AGAP1: variants seen among roughly 807,000 people sequenced by gnomAD.
The protein encoded by AGAP1 is arf-GAP with GTPase, ANK repeat and PH domain-containing protein 1.
A neutral mutation model predicts 105.3 loss-of-function variants in AGAP1; 29 were observed. The observed-to-expected ratio is 0.28, with a 90% CI of 0.21 to 0.38. AGAP1 has a LOEUF of 0.38. Ranked by LOEUF, AGAP1 falls within the 10% of genes least tolerant of loss-of-function variation. The pLI is 1.00. For synonymous variants in AGAP1, 509 were observed against 485.9 expected (o/e 1.05, Z -0.63); for missense variants, 998 against 1,165.1 (o/e 0.86, Z 2.09).
intron 1 of AGAP1, among the ~76,000 whole-genome samples, chr2:235,520,175 C>T (rs186688276): frequency 4.3e-4 from 65 of 152,340 alleles, no homozygotes; most frequent in African/African-American, 1.5e-3. Flanking sequence ...TTAAAGCACA[C>T]ATGACCACAT....
chr2:235,695,503 C>T (rs924366705), intron 1 of AGAP1, among the ~76,000 whole-genome samples: 4 of 152,192 alleles, frequency 2.6e-5, no homozygotes, highest in Admixed American at 1.3e-4. Flanking sequence ...CAGACAGCGG[C>T]TCAGGTTACA....
chr2:235,765,212 CGTGGGG>C, intron 6 of AGAP1, among the ~76,000 whole-genome samples: 1 of 57,016 alleles, frequency 1.8e-5, no homozygotes, highest in African/African-American at 7.8e-5. Flanking sequence ...TGGGAGCGTC[CGTGGGG>C]TTGGGGGTAT....
chr2:236,015,552 A>G (rs978750355), intron 13 of AGAP1, among the ~76,000 whole-genome samples: 5 of 144,462 alleles, frequency 3.5e-5, no homozygotes, highest in Non-Finnish European at 7.6e-5. Context: ...ATAATTATAA[A>G]TTGCCTTTTT....
intron 1 of AGAP1, among the ~76,000 whole-genome samples, chr2:235,687,155 C>G (rs1440636271): frequency 6.6e-6 from 1 of 152,178 alleles, no homozygotes; most frequent in Non-Finnish European, 1.5e-5. Context: ...GGGATGCACC[C>G]TAGCTCTAAA....
In AGAP1 at chr2:235,931,643, T is replaced by C. The variant is rs2052726104; in HGVS notation, c.1483+720T>C. On this transcript the variant is annotated intron_variant, in intron 12 of 17. Coordinates refer to ENST00000304032, the MANE Select transcript of AGAP1 (RefSeq NM_001037131.3). The surrounding 1 kb of genome is among the most constrained non-coding windows in gnomAD (Gnocchi z 5.6). The stretch of plus-strand genomic sequence containing the variant: ...AATTCCCACTGTTGTATGTAATCTA[T>C]CAGACGGGGTTTTAGAGTAATCTTA... Among the ~76,000 whole-genome samples, 1 of 152,074 alleles carries C rather than the reference T, an allele frequency of 6.6e-6. No individual in the cohort carries two copies. The highest frequency in any genetic ancestry group is 1.5e-5 in the Non-Finnish European group (1 of 68,020).
In AGAP1 at chr2:236,124,181, C is replaced by A. The variant is rs2059967272; in HGVS notation, c.*59C>A. 1.3e-6 allele frequency: 2 copies of A among 1,577,552 alleles called. No homozygotes were observed. The highest frequency in any genetic ancestry group is 1.1e-5 in the South Asian group (1 of 88,230). ...GGACGCGGCAGCCTCGCCGCATTCT[C>A]GCTCAGAAGTCGCAGCACGTGAGTC... On this transcript the variant is annotated 3_prime_UTR_variant, in exon 18 of 18. Transcript: ENST00000304032. This position sits in a 1 kb window ranked among gnomAD's most constrained non-coding sequence, Gnocchi z 5.1.
At chr2:236,063,513 G>T (rs1166984382) in intron 16 of AGAP1, among the ~76,000 whole-genome samples, 1 of 152,168 alleles carries the variant, frequency 6.6e-6, no homozygotes, top group Non-Finnish European at 1.5e-5. Context: ...ACACACAAAA[G>T]GTAATTCCAG....
chr2:236,128,349 T>C lies in AGAP1; in HGVS notation c.*4227T>C, dbSNP rs2060035690. ...TCCCCCACAGCCTGTTGAGGTGCCG[T>C]TGACGTGGACAGCGCCCCTCCCTTA... On this transcript the variant is annotated 3_prime_UTR_variant, in exon 18 of 18. Transcript: ENST00000304032. This position sits in a 1 kb window ranked among gnomAD's most constrained non-coding sequence, Gnocchi z 5.9. The C allele has an allele frequency of 6.6e-6, 1 of 152,592 alleles. No homozygotes were observed. The highest frequency in any genetic ancestry group is 1.5e-5 in the Non-Finnish European group (1 of 68,326). 9.5% of individuals were successfully genotyped at this position (152,592 alleles called of 1,614,324 possible).
At chr2:236,106,623 G>A (rs925823422) in intron 16 of AGAP1, among the ~76,000 whole-genome samples, 8 of 152,242 alleles carry the variant, frequency 5.3e-5, no homozygotes, top group African/African-American at 1.7e-4. Context: ...TTCATTCTGG[G>A]CTCCCATGAA....
intron 12 of AGAP1, among the ~76,000 whole-genome samples, chr2:235,937,497 A>G (rs975317078): frequency 3.3e-5 from 5 of 152,196 alleles, no homozygotes; most frequent in Non-Finnish European, 7.3e-5. Context: ...CTGCCCCATG[A>G]TCAAAACCGA....
rs149073997 is a variant in AGAP1, at chr2:236,123,939, C to T, written c.2391C>T (p.Ala797=). Residue 797 remains alanine, a synonymous_variant, in exon 18 of 18, where the codon GCC becomes GCT. Coordinates refer to ENST00000304032, the MANE Select transcript of AGAP1 (RefSeq NM_001037131.3). This position sits in a 1 kb window ranked among gnomAD's most constrained non-coding sequence, Gnocchi z 4.6. The part of the protein sequence containing the change: ...LLIWYGVDVT[A]RDAHGNTALA... ...CGCAGTACGGAGTGGACGTCACGGC[C>T]CGAGATGCCCACGGGAACACAGCTC... is the stretch of plus-strand genomic sequence containing the variant. 3.5e-5 allele frequency: 56 copies of T among 1,613,252 alleles called. 1 individual carries two copies. The African/African-American group carries it at 7.2e-4, about 21-fold the overall frequency.
At chr2:236,011,471 C>T (rs547039499) in intron 13 of AGAP1, among the ~76,000 whole-genome samples, 24 of 152,246 alleles carry the variant, frequency 1.6e-4, no homozygotes, top group African/African-American at 5.5e-4. Context: ...GACATCCTGC[C>T]GCATACATAG....
intron 1 of AGAP1, among the ~76,000 whole-genome samples, chr2:235,687,938 G>C (rs759236461): frequency 4.5e-5 from 5 of 110,080 alleles, no homozygotes; most frequent in Non-Finnish European, 8.3e-5. Context: ...GTCTCACTCT[G>C]TCACCCAGGC....
intron 6 of AGAP1, among the ~76,000 whole-genome samples, chr2:235,766,607 AAC>A (rs1559458523): frequency 6.6e-6 from 1 of 152,328 alleles, no homozygotes; most frequent in East Asian, 1.9e-4. Context: ...TGAGGAGGAG[AAC>A]ACAATTAAAA....
Position 235,550,236 on chromosome 2 carries a change from C to G in AGAP1, c.163+55387C>G, listed in dbSNP as rs1005082556. Among the ~76,000 whole-genome samples, 1 of 152,182 alleles carries G rather than the reference C, an allele frequency of 6.6e-6. No homozygotes were observed. The highest frequency in any genetic ancestry group is 2.4e-5 in the African/African-American group (1 of 41,454). On this transcript the variant is annotated intron_variant, in intron 1 of 17. Transcript: ENST00000304032. This position sits in a 1 kb window ranked among gnomAD's most constrained non-coding sequence, Gnocchi z 4.6. The stretch of plus-strand genomic sequence containing the variant: ...CAGGCAGCCCGAGGCACCTCCTCGT[C>G]ACAGTGTTCTCCGCAGCCCTGACTG...
In AGAP1 at chr2:236,120,604, C is replaced by G. The variant is rs1393735839; in HGVS notation, c.2370+157C>G. On this transcript the variant is annotated intron_variant, in intron 17 of 17. Transcript: ENST00000304032. This position sits in a 1 kb window ranked among gnomAD's most constrained non-coding sequence, Gnocchi z 6.0. Reference sequence around the variant, plus strand: ...AAACTCTGATTGAAGAGCAGAGGGCCTTACGGAGAGACAGCCGGTCCTCCT... The same window carrying G: ...AAACTCTGATTGAAGAGCAGAGGGCGTTACGGAGAGACAGCCGGTCCTCCT... Among the ~76,000 whole-genome samples, 1 of 152,214 alleles carries G rather than the reference C, an allele frequency of 6.6e-6. No homozygotes were observed. Among genetic ancestry groups the G allele is most frequent in the Non-Finnish European group, 1.5e-5 (1 of 68,038 alleles).
rs1266309115 is a variant in AGAP1 at position 235,787,353 on chromosome 2, T to C, written c.674-10406T>C. Among the ~76,000 whole-genome samples the C allele has an allele frequency of 2.0e-5, 3 of 152,260 alleles. No homozygotes were observed. In the East Asian group the frequency reaches 5.8e-4, roughly 29 times the overall value. On this transcript the variant is annotated intron_variant, in intron 6 of 17. Transcript: ENST00000304032. This position sits in a 1 kb window ranked among gnomAD's most constrained non-coding sequence, Gnocchi z 4.4. ...TTTCCTGCTTTAAGTGCCTCTTCTATGTCTGTGCAACATTCATTAATTTCT... is the reference window on the plus strand; with the variant it reads ...TTTCCTGCTTTAAGTGCCTCTTCTACGTCTGTGCAACATTCATTAATTTCT...
intron 6 of AGAP1, among the ~76,000 whole-genome samples, chr2:235,764,033 G>C (rs61682565): frequency 1.2e-5 from 1 of 86,516 alleles, no homozygotes; most frequent in East Asian, 3.6e-4. Context: ...CGTGGCTTTG[G>C]CCCGTGCGTG....
chr2:235,972,281 A>G (rs2054679942), intron 13 of AGAP1, among the ~76,000 whole-genome samples: 1 of 152,214 alleles, frequency 6.6e-6, no homozygotes, highest in African/African-American at 2.4e-5. Flanking sequence ...CCCTATTGGA[A>G]CAAATAACTA....
Sources: gnomAD v4.1 joint callset for allele counts (sites outside exome capture counted in the v4.1 genomes callset) on GRCh38, gnomAD v4.1.1 for gene constraint, Gnocchi (gnomAD v3.1) non-coding constraint, MANE v1.5 for transcripts, NCBI Gene and HGNC (gene_info 2026-07-23, HGNC 2026-07-21) for gene names.